The following SMIM9 variants were observed in gnomAD, a reference collection of about 807,000 sequenced individuals.
The protein encoded by SMIM9 is chromosome X open reading frame 68.
SMIM9 carries 8 observed loss-of-function variants against 7.2 expected under a neutral mutation model. The observed-to-expected ratio is 1.10, with a 90% CI of 0.65 to 1.99. The LOEUF (loss-of-function observed/expected upper bound fraction) is 1.99, where lower values mean the gene tolerates loss of function less well. Among genes scored for constraint, SMIM9 ranks in the 30% most tolerant of loss-of-function variants. The pLI is 0.00. For missense variants in SMIM9, 76 were observed against 69.3 expected, an observed-to-expected ratio of 1.10 and a Z score of -0.34; for synonymous variants, 19 against 26.4, an observed-to-expected ratio of 0.72 and a Z score of 0.86.
At chrX:154,829,030 G>T (rs2072433293) in intron 4 of SMIM9, among the ~76,000 whole-genome samples, 1 of 111,915 alleles carries the variant, frequency 8.9e-6, no homozygotes, top group Middle Eastern at 4.6e-3. Flanking sequence ...TTCTTTCTCT[G>T]CCTTTCTAGC....
At chrX:154,824,370 A>AG (rs782112153) in intron 4 of SMIM9, among the ~76,000 whole-genome samples, 3,267 of 106,334 alleles carry the variant, frequency 0.031, 143 homozygotes, top group African/African-American at 0.11. Flanking sequence ...AAAAAAAAAA[A>AG]AAAAAAGAAA....
chrX:154,826,971 T>A (rs2072424468), intron 4 of SMIM9, among the ~76,000 whole-genome samples: 1 of 112,781 alleles, frequency 8.9e-6, no homozygotes, highest in Admixed American at 9.4e-5. Context: ...CTTGCCTATA[T>A]GCTTATTCAT....
chrX:154,830,442 T>G (rs782347078), intron 3 of SMIM9: 17 of 229,310 alleles, frequency 7.4e-5, no homozygotes, highest in Non-Finnish European at 1.2e-4. Context: ...TTGATCATAC[T>G]CCATGGAAGG....
At position 154,828,545 on chromosome X, in the gene SMIM9, ACCTTCGAAGCTGGTGT is replaced by A. The variant is rs782812653; in HGVS notation, c.272+974_272+989del. On this transcript the variant is annotated intron_variant, in intron 4 of 4. Transcript: ENST00000369529. Reference sequence around the variant, plus strand: ...GGCTGCATCTGAAGCAAATGTTGGGACCTTCGAAGCTGGTGTCCTTCTTTTTCATGGAAAGGTGGAG... The same window carrying A: ...GGCTGCATCTGAAGCAAATGTTGGGACCTTCTTTTTCATGGAAAGGTGGAG... Among the ~76,000 whole-genome samples, 99 of 111,306 alleles carry A rather than the reference ACCTTCGAAGCTGGTGT, an allele frequency of 8.9e-4. 3 individuals are homozygous for A. The highest frequency in any genetic ancestry group is 3.1e-3 in the African/African-American group (94 of 30,638).
At chrX:154,829,327 C>A (rs1052396430) in intron 4 of SMIM9, among the ~76,000 whole-genome samples, 3 of 112,098 alleles carry the variant, frequency 2.7e-5, no homozygotes, top group South Asian at 7.5e-4. Context: ...TCACTGGTAA[C>A]AAATGGAGCA....
chrX:154,825,814 G>C (rs1427784893), intron 4 of SMIM9, among the ~76,000 whole-genome samples: 2 of 107,633 alleles, frequency 1.9e-5, no homozygotes, highest in Non-Finnish European at 3.8e-5. Flanking sequence ...GCAAACTATC[G>C]CAAGGACAAA....
intron 4 of SMIM9, among the ~76,000 whole-genome samples, chrX:154,828,303 C>T (rs374669066): frequency 2.7e-5 from 3 of 111,218 alleles, no homozygotes; most frequent in Non-Finnish European, 5.7e-5. Flanking sequence ...CTGATCTCCA[C>T]ACCCCAGAAT....
intron 4 of SMIM9, among the ~76,000 whole-genome samples, chrX:154,825,933 G>T: frequency 1.1e-5 from 1 of 92,289 alleles, no homozygotes. Flanking sequence ...GGTGGAGGGA[G>T]GGGGGAGGGA....
chrX:154,833,239 G>A (rs1256770311), intron 1 of SMIM9, among the ~76,000 whole-genome samples: 1 of 112,187 alleles, frequency 8.9e-6, no homozygotes, highest in Non-Finnish European at 1.9e-5. Flanking sequence ...AAGATAAAAG[G>A]TTAATGACAA....
chrX:154,824,572 C>A (rs1234104197), intron 4 of SMIM9, among the ~76,000 whole-genome samples: 2 of 111,287 alleles, frequency 1.8e-5, no homozygotes, highest in Non-Finnish European at 3.8e-5. Context: ...AACTATATAT[C>A]TTCTGTTATA....
intron 4 of SMIM9, among the ~76,000 whole-genome samples, chrX:154,825,004 G>A (rs1335807754): frequency 8.9e-6 from 1 of 112,281 alleles, no homozygotes; most frequent in Admixed American, 9.4e-5. Flanking sequence ...AGTCTACTAT[G>A]TGCCCAGTAG....
Position 154,830,793 on chromosome X carries a change from C to G in SMIM9, c.64G>C (p.Glu22Gln), listed in dbSNP as rs781839889. 1 of 1,167,712 alleles carries G rather than the reference C, an allele frequency of 8.6e-7. No individual in the cohort carries two copies. Among genetic ancestry groups the G allele is most frequent in the Non-Finnish European group, 1.1e-6 (1 of 872,932 alleles). The change falls in exon 3 of 5, where the codon GAG (glutamate) becomes CAG (glutamine). Residue 22 changes from glutamate (E) to glutamine (Q), a missense_variant. Coordinates refer to ENST00000369529, the MANE Select transcript of SMIM9 (RefSeq NM_001162936.4). ...LLCSLTCLLL[E>Q]TVASSPLPLS... ...GGCAAAGGAGAGGAAGCTACTGTCT[C>G]CAACAAGAGGCAAGTTAGAGAGCAT...
chrX:154,831,107 A>G (rs1336695287), intron 2 of SMIM9, among the ~76,000 whole-genome samples, 152 bp from the exon 3 acceptor site: 8 of 111,304 alleles, frequency 7.2e-5, no homozygotes, highest in Admixed American at 6.7e-4. Flanking sequence ...ACAAAACAAA[A>G]CCTGACTATG....
chrX:154,823,629 T>G lies in SMIM9; in HGVS notation c.*126A>C. 1.7e-6 allele frequency: 1 copy of G among 589,586 alleles called. No individual in the cohort carries two copies. The highest frequency in any genetic ancestry group is 5.0e-5 in the Admixed American group (1 of 20,143). The allele number at this position is 589,586 out of a possible 1,213,427, so 48.6% of individuals were successfully genotyped here. A position where few individuals can be genotyped will look rare whatever the true frequency, so the allele number is the denominator to read the frequency against. ...GGAGAAAATGAAGGCAAAGGATGAT[T>G]CAAGTTGGAAGACGATTTAATTTCA... is the stretch of plus-strand genomic sequence containing the variant. On this transcript the variant is annotated 3_prime_UTR_variant, in exon 5 of 5. Coordinates refer to ENST00000369529, the MANE Select transcript of SMIM9 (RefSeq NM_001162936.4).
rs782576603 is a variant in SMIM9 at position 154,829,641 on chromosome X, T to C, written c.166A>G (p.Asn56Asp). The C allele has an allele frequency of 1.7e-5, 20 of 1,167,589 alleles. No homozygotes were observed. The highest frequency in any genetic ancestry group is 2.3e-5 in the Non-Finnish European group (20 of 872,850). The change falls in exon 4 of 5, where the codon AAC (asparagine) becomes GAC (aspartate). Residue 56 changes from asparagine to aspartate, a missense_variant. Asn to Asp is a conservative substitution (Grantham distance 23). Transcript: ENST00000369529. ...SGGNHRSWLN[N>D]FRDYLWQLIK... ...AGTTGCCATAAGTAATCCCTGAAGT[T>C]GTTCAGCCAGGACCTGTGATTACCT...
chrX:154,824,669 C>T (rs897609790), intron 4 of SMIM9, among the ~76,000 whole-genome samples: 17 of 112,214 alleles, frequency 1.5e-4, no homozygotes, highest in Non-Finnish European at 3.2e-4. Context: ...GCAATACTTT[C>T]TTTAGCTAGC....
chrX:154,833,455 T>G (rs1374839405), intron 1 of SMIM9, among the ~76,000 whole-genome samples: 1 of 111,636 alleles, frequency 9.0e-6, no homozygotes, highest in Non-Finnish European at 1.9e-5. Flanking sequence ...CGAGATCCTG[T>G]CTCTACAAAA....
intron 3 of SMIM9, 147 bp from the exon 4 acceptor site, chrX:154,829,811 G>T: frequency 1.7e-6 from 1 of 603,566 alleles, no homozygotes; most frequent in Non-Finnish European, 2.5e-6. Flanking sequence ...ACTTTGCTGT[G>T]CTGGCTGTAA....
At position 154,823,563 on chromosome X, in the gene SMIM9, A is replaced by C. The variant is rs781948730; in HGVS notation, c.*192T>G. ...TATGTATTACTATTATAACCAAAACAGTAATAAGGATATTCACATTTTAAA... is the reference window on the plus strand; with the variant it reads ...TATGTATTACTATTATAACCAAAACCGTAATAAGGATATTCACATTTTAAA... On this transcript the variant is annotated 3_prime_UTR_variant, in exon 5 of 5. Coordinates refer to ENST00000369529, the MANE Select transcript of SMIM9 (RefSeq NM_001162936.4). 4 of 345,057 alleles carry C rather than the reference A, an allele frequency of 1.2e-5. No individual in the cohort carries two copies. The highest frequency in any genetic ancestry group is 1.0e-4 in the African/African-American group (4 of 38,324). 28.4% of individuals were successfully genotyped at this position (345,057 alleles called of 1,213,427 possible).
Sources: gnomAD v4.1 joint callset for allele counts (sites outside exome capture counted in the v4.1 genomes callset) on GRCh38, gnomAD v4.1.1 for gene constraint, MANE v1.5 for transcripts, NCBI Gene and HGNC (gene_info 2026-07-23, HGNC 2026-07-21) for gene names.